The following NCKAP5 variants were observed in gnomAD, a reference collection of about 807,000 sequenced individuals.
NCKAP5 encodes the protein nck-associated protein 5.
NCKAP5 carries 92 observed loss-of-function variants against 167.0 expected under a neutral mutation model. The observed-to-expected ratio is 0.55, with a 90% CI of 0.47 to 0.66. NCKAP5 has a LOEUF of 0.66. Ranked by LOEUF, NCKAP5 falls within the 30% of genes least tolerant of loss-of-function variation. The pLI is 0.00. For missense variants in NCKAP5, 2,378 were observed against 2,315.0 expected, an observed-to-expected ratio of 1.03 and a Z score of -0.56; for synonymous variants, 891 against 877.4, an observed-to-expected ratio of 1.02 and a Z score of -0.27.
chr2:133,074,517 C>T (rs1264408164), intron 6 of NCKAP5, among the ~76,000 whole-genome samples: 1 of 151,990 alleles, frequency 6.6e-6, no homozygotes, highest in Non-Finnish European at 1.5e-5. Context: ...TGTGCCAACC[C>T]TCCAGCTAGT....
intron 4 of NCKAP5, among the ~76,000 whole-genome samples, chr2:133,249,518 A>G (rs569083747): frequency 2.8e-4 from 43 of 151,690 alleles, no homozygotes; most frequent in Non-Finnish European, 5.7e-4. Context: ...TTTGTGGCAA[A>G]TTATTATAGC....
intron 8 of NCKAP5, among the ~76,000 whole-genome samples, chr2:132,937,504 A>G (rs1422038387): frequency 6.6e-6 from 1 of 152,206 alleles, no homozygotes; most frequent in Admixed American, 6.5e-5. Flanking sequence ...TGCACCTTAA[A>G]TGTCACACCT....
intron 11 of NCKAP5, among the ~76,000 whole-genome samples, chr2:132,849,912 AC>A (rs998890008): frequency 6.6e-6 from 1 of 152,024 alleles, no homozygotes; most frequent in African/African-American, 2.4e-5. Context: ...CCAATTTATT[AC>A]CCCCATGGCG....
At chr2:133,091,237 T>C (rs925870875) in intron 6 of NCKAP5, among the ~76,000 whole-genome samples, 8 of 152,184 alleles carry the variant, frequency 5.3e-5, no homozygotes, top group Non-Finnish European at 7.4e-5. Context: ...TATTTCTTCA[T>C]AGGCATGCAA....
At chr2:132,714,539 C>T (rs6750951) in intron 19 of NCKAP5, among the ~76,000 whole-genome samples, 102,061 of 152,050 alleles carry the variant, frequency 0.67, 35,306 homozygotes, top group African/African-American at 0.85. Context: ...ACTTAATGGC[C>T]AGGCACAGTG....
intron 3 of NCKAP5, among the ~76,000 whole-genome samples, chr2:133,421,987 T>C (rs1264103328): frequency 2.0e-5 from 3 of 152,240 alleles, no homozygotes; most frequent in African/African-American, 7.2e-5. Flanking sequence ...ACCTACTGCA[T>C]TTGGCATTGG....
chr2:133,469,127 A>G (rs965162345), intron 3 of NCKAP5, among the ~76,000 whole-genome samples: 9 of 151,888 alleles, frequency 5.9e-5, no homozygotes, highest in Non-Finnish European at 8.8e-5. Context: ...ACGTTTTGGC[A>G]TGATTTTGCA....
In NCKAP5 at chr2:133,047,008, G is replaced by C. The variant is rs140384502; in HGVS notation, c.342-52769C>G. On this transcript the variant is annotated intron_variant, in intron 6 of 19. Coordinates refer to ENST00000409261, the MANE Select transcript of NCKAP5 (RefSeq NM_207363.3). Reference sequence around the variant, plus strand: ...AACAATGCATACAAAAAATATTTCAGAGTGATTTGCCCTTGTTTCCTTCTT... The same window carrying C: ...AACAATGCATACAAAAAATATTTCACAGTGATTTGCCCTTGTTTCCTTCTT... 1.1e-3 allele frequency among the ~76,000 whole-genome samples: 175 copies of C among 152,240 alleles called. 2 individuals are homozygous for C. The East Asian group carries it at 0.032, about 28-fold the overall frequency.
chr2:133,462,481 C>A (rs1190788771), intron 3 of NCKAP5, among the ~76,000 whole-genome samples: 1 of 152,042 alleles, frequency 6.6e-6, no homozygotes, highest in Non-Finnish European at 1.5e-5. Context: ...TTTTAGTTTT[C>A]TTATTGGAAA....
intron 5 of NCKAP5, among the ~76,000 whole-genome samples, chr2:133,152,865 C>T (rs977700077): frequency 5.9e-5 from 9 of 152,110 alleles, no homozygotes; most frequent in Admixed American, 2.0e-4. Context: ...CTATGATATT[C>T]AGTACAGTAA....
intron 3 of NCKAP5, among the ~76,000 whole-genome samples, chr2:133,481,990 C>T (rs1221512764): frequency 6.6e-6 from 1 of 152,140 alleles, no homozygotes; most frequent in Non-Finnish European, 1.5e-5. Flanking sequence ...TCTCCTCTAA[C>T]TCATGCTAGC....
intron 3 of NCKAP5, among the ~76,000 whole-genome samples, chr2:133,404,811 G>A (rs1174922661): frequency 6.6e-6 from 1 of 152,172 alleles, no homozygotes; most frequent in Non-Finnish European, 1.5e-5. Context: ...ACTAGCAGAT[G>A]GCCCTGCTGT....
At chr2:133,465,716 T>C (rs1351708603) in intron 3 of NCKAP5, among the ~76,000 whole-genome samples, 1 of 152,144 alleles carries the variant, frequency 6.6e-6, no homozygotes, top group Non-Finnish European at 1.5e-5. Flanking sequence ...TGGTGTGAGA[T>C]GGTACCTCAT....
chr2:133,281,274 C>G (rs1394820517), intron 4 of NCKAP5, among the ~76,000 whole-genome samples: 1 of 152,116 alleles, frequency 6.6e-6, no homozygotes, highest in Admixed American at 6.5e-5. Flanking sequence ...TTTATAAAGA[C>G]AAGTATAGTT....
At chr2:132,984,960 C>G (rs920381310) in intron 7 of NCKAP5, among the ~76,000 whole-genome samples, 4 of 150,150 alleles carry the variant, frequency 2.7e-5, no homozygotes, top group African/African-American at 9.9e-5. Context: ...TAAAGGGCAA[C>G]ATCTTTTGGA....
intron 2 of NCKAP5, among the ~76,000 whole-genome samples, chr2:133,520,120 G>A: frequency 6.6e-6 from 1 of 152,220 alleles, no homozygotes; most frequent in East Asian, 1.9e-4. Flanking sequence ...GAACCTAGGA[G>A]GCGGAGGTTG....
Position 132,796,653 on chromosome 2 carries a change from T to A in NCKAP5, c.884A>T (p.Gln295Leu). Residue 295 changes from glutamine to leucine, a missense_variant, in exon 12 of 20, where the codon CAG becomes CTG. Gln to Leu is a moderately radical substitution (Grantham distance 113). This residue lies in a region of NCKAP5 where 1,049 missense variants were observed against 1,023.4 expected (regional missense o/e 1.02). Coordinates refer to ENST00000409261, the MANE Select transcript of NCKAP5 (RefSeq NM_207363.3). ...GTGCACCTCAGCATCAGTTCGTGAC[T>A]GTGTCAGACTTCGGTTTCTTTCCAC... ...SEVERNRSLTQSRTDAEVHEH... is the reference protein window; with the variant it reads ...SEVERNRSLTLSRTDAEVHEH... The A allele has an allele frequency of 6.2e-7, 1 of 1,613,338 alleles. No individual in the cohort carries two copies. The highest frequency in any genetic ancestry group is 8.5e-7 in the Non-Finnish European group (1 of 1,179,618).
chr2:132,873,172 C>T (rs1335189053), intron 9 of NCKAP5, among the ~76,000 whole-genome samples: 3 of 152,056 alleles, frequency 2.0e-5, no homozygotes, highest in East Asian at 1.9e-4. Flanking sequence ...AGCACGATCT[C>T]GGCTCACTGC....
intron 2 of NCKAP5, among the ~76,000 whole-genome samples, chr2:133,543,969 T>C (rs1686442277): frequency 3.9e-5 from 6 of 152,226 alleles, no homozygotes; most frequent in Admixed American, 3.9e-4. Context: ...CAGTACTGAA[T>C]ATCTAGAACA....
Sources: gnomAD v4.1 joint callset for allele counts (sites outside exome capture counted in the v4.1 genomes callset) on GRCh38, gnomAD v4.1.1 for gene constraint, gnomAD v4.1.1 regional missense constraint, MANE v1.5 for transcripts, NCBI Gene and HGNC (gene_info 2026-07-23, HGNC 2026-07-21) for gene names.